The following ELFN1 variants were observed in gnomAD, a reference collection of about 807,000 sequenced individuals.
ELFN1 encodes the protein extracellular leucine rich repeat and fibronectin type III domain containing 1.
A neutral mutation model predicts 7.6 loss-of-function variants in ELFN1; 6 were observed. The ratio of observed to expected loss-of-function variants is 0.79; its 90% CI spans 0.43 to 1.56. The LOEUF (loss-of-function observed/expected upper bound fraction) is 1.56, where lower values mean the gene tolerates loss of function less well. ELFN1 is among the 40% of genes most tolerant of loss of function. The pLI is 0.01. For missense variants in ELFN1, 1,169 were observed against 1,232.2 expected (o/e 0.95, Z 0.77); for synonymous variants, 657 against 588.1 (o/e 1.12, Z -1.70).
chr7:1,706,867 C>T (rs767123160), intron 2 of ELFN1, among the ~76,000 whole-genome samples: 1 of 152,228 alleles, frequency 6.6e-6, no homozygotes, highest in Non-Finnish European at 1.5e-5. Flanking sequence ...CAGGCTGTGC[C>T]CGAGGTGGTG....
At chr7:1,699,259 C>T (rs1307984315) in intron 2 of ELFN1, among the ~76,000 whole-genome samples, 1 of 152,182 alleles carries the variant, frequency 6.6e-6, no homozygotes. Flanking sequence ...CTTCCCCGCA[C>T]ATGTGTTTTG....
rs1780423379 is a variant in ELFN1 at position 1,735,636 on chromosome 7, C to T, written c.-293-8668C>T. 6.6e-6 allele frequency among the ~76,000 whole-genome samples: 1 copy of T among 152,100 alleles called. No homozygotes were observed. The highest frequency in any genetic ancestry group is 2.1e-4 in the South Asian group (1 of 4,810). On this transcript the variant is annotated intron_variant, in intron 3 of 3. Transcript: ENST00000424383. The surrounding 1 kb of genome is among the most constrained non-coding windows in gnomAD (Gnocchi z 5.9). ...GGTCTGGGGGAGCCATGAGGGAGCCCCCAGAGCTGGTGAGATCCCTCAATG... is the reference window on the plus strand; with the variant it reads ...GGTCTGGGGGAGCCATGAGGGAGCCTCCAGAGCTGGTGAGATCCCTCAATG...
chr7:1,729,272 G>A (rs914091596), intron 3 of ELFN1, among the ~76,000 whole-genome samples: 49 of 152,244 alleles, frequency 3.2e-4, no homozygotes, highest in African/African-American at 8.4e-4. Flanking sequence ...TGGGTTTGGT[G>A]TGAGTCAGTG....
intron 3 of ELFN1, among the ~76,000 whole-genome samples, chr7:1,742,752 C>G (rs1316049984): frequency 2.6e-5 from 4 of 152,266 alleles, no homozygotes; most frequent in Non-Finnish European, 5.9e-5. Context: ...TGCCGTCTGA[C>G]TTCTCCCTCT....
Position 1,747,681 on chromosome 7 carries a change from G to C in ELFN1, c.*598G>C, listed in dbSNP as rs1222085608. ...CGGCGGCCAAGTGGCCTCCGGGACA[G>C]GTCCTGGAGCCCTGCTGGACTCAGG... On this transcript the variant is annotated 3_prime_UTR_variant, in exon 4 of 4. Coordinates refer to ENST00000424383, the MANE Select transcript of ELFN1 (RefSeq NM_001128636.4). 1 of 164,512 alleles carries C rather than the reference G, an allele frequency of 6.1e-6. No homozygotes were observed. Among genetic ancestry groups the C allele is most frequent in the South Asian group, 2.1e-4 (1 of 4,826 alleles). The allele number at this position is 164,512 out of a possible 1,614,324, so 10.2% of individuals were successfully genotyped here.
At chr7:1,693,555 A>T (rs1362676752) in intron 2 of ELFN1, 1 of 471,116 alleles carries the variant, frequency 2.1e-6, no homozygotes, top group African/African-American at 2.0e-5. Flanking sequence ...ACGCCTGTGG[A>T]CGTAGCCTTG....
chr7:1,736,993 C>T (rs899099996), intron 3 of ELFN1, among the ~76,000 whole-genome samples: 2 of 152,178 alleles, frequency 1.3e-5, no homozygotes, highest in South Asian at 4.1e-4. Context: ...GCCCTTCCAC[C>T]TGCCCCCAGC....
At chr7:1,689,989 G>A (rs1425601297) in intron 2 of ELFN1, among the ~76,000 whole-genome samples, 1 of 152,224 alleles carries the variant, frequency 6.6e-6, no homozygotes, top group African/African-American at 2.4e-5. Flanking sequence ...TGGGGATTGG[G>A]ACTCTAGCCC....
intron 2 of ELFN1, among the ~76,000 whole-genome samples, chr7:1,701,955 T>C (rs893493702): frequency 6.6e-6 from 1 of 152,202 alleles, no homozygotes; most frequent in African/African-American, 2.4e-5. Context: ...TCAGTTTCAT[T>C]TTTTCCCATA....
rs1236360712 is a variant in ELFN1, at chr7:1,746,434, C to T, written c.1838C>T (p.Ala613Val). The change falls in exon 4 of 4, where the codon GCG becomes GTG. Residue 613 changes from alanine to valine, a missense_variant. Around this residue, in one of 2 missense-constraint regions of ELFN1, gnomAD observed 914 missense variants for 872.6 expected, o/e 1.05. Transcript: ENST00000424383. ...EPLAAKHGFL[A>V]PGYKDAFGHS... ...CTGGCCGCCAAGCACGGCTTCCTGG[C>T]GCCCGGGTACAAGGACGCCTTCGGC... The T allele has an allele frequency of 5.2e-6, 8 of 1,530,890 alleles. No individual in the cohort carries two copies. Among genetic ancestry groups the T allele is most frequent in the South Asian group, 1.2e-5 (1 of 83,518 alleles). 94.8% of individuals were successfully genotyped at this position (1,530,890 alleles called of 1,614,324 possible).
intron 3 of ELFN1, among the ~76,000 whole-genome samples, chr7:1,728,354 C>T (rs1437979395): frequency 2.0e-5 from 3 of 152,264 alleles, no homozygotes; most frequent in African/African-American, 7.2e-5. Flanking sequence ...CCGCATTCTG[C>T]GGCCTTTCAG....
intron 3 of ELFN1, among the ~76,000 whole-genome samples, chr7:1,732,157 C>G (rs996844909): frequency 6.6e-6 from 1 of 152,076 alleles, no homozygotes; most frequent in Non-Finnish European, 1.5e-5. Context: ...CAGGCAGCCC[C>G]GGTTACAGAG....
rs1463073712 is a variant in ELFN1 at position 1,746,535 on chromosome 7, C to T, written c.1939C>T (p.Arg647Cys). The change falls in exon 4 of 4, where the codon CGC becomes TGC. Residue 647 changes from arginine to cysteine, a missense_variant. Coordinates refer to ENST00000424383, the MANE Select transcript of ELFN1 (RefSeq NM_001128636.4). ...CAGCACCTCGTCCAGCGGCTCCGTG[C>T]GCAGCCCCCGCGCCTTCCGAGCCGA... ...RASTSSSGSV[R>C]SPRAFRAEAV... 5 of 1,424,104 alleles carry T rather than the reference C, an allele frequency of 3.5e-6. No individual in the cohort carries two copies. The highest frequency in any genetic ancestry group is 3.0e-5 in the Admixed American group (1 of 32,854). The allele number at this position is 1,424,104 out of a possible 1,614,324, so 88.2% of individuals were successfully genotyped here. A position where few individuals can be genotyped will look rare whatever the true frequency, so the allele number is the denominator to read the frequency against.
chr7:1,726,979 A>G (rs1203345907), intron 3 of ELFN1, among the ~76,000 whole-genome samples: 2 of 152,148 alleles, frequency 1.3e-5, no homozygotes, highest in Non-Finnish European at 2.9e-5. Flanking sequence ...TGGGTGGGCT[A>G]CTTACTCAGG....
At chr7:1,716,935 A>C (rs962251133) in intron 3 of ELFN1, among the ~76,000 whole-genome samples, 1 of 152,180 alleles carries the variant, frequency 6.6e-6, no homozygotes, top group African/African-American at 2.4e-5. Context: ...CATGGGAGCC[A>C]GAGGGAAATT....
At chr7:1,713,240 G>T (rs1045695545) in intron 3 of ELFN1, among the ~76,000 whole-genome samples, 1 of 152,204 alleles carries the variant, frequency 6.6e-6, no homozygotes, top group Non-Finnish European at 1.5e-5. Context: ...CGGCAGGTGG[G>T]AGACAGTGCA....
chr7:1,688,553 TC>T (rs1779099970), intron 2 of ELFN1, among the ~76,000 whole-genome samples: 1 of 152,228 alleles, frequency 6.6e-6, no homozygotes, highest in African/African-American at 2.4e-5. Context: ...GGTATACTAA[TC>T]CAGTTGATTT....
chr7:1,692,542 T>C (rs1779190669), intron 2 of ELFN1: 1 of 152,560 alleles, frequency 6.6e-6, no homozygotes. Flanking sequence ...TCGGGGCTGA[T>C]CAGCAGAGGC....
chr7:1,729,350 T>G (rs1780276000), intron 3 of ELFN1, among the ~76,000 whole-genome samples: 1 of 152,220 alleles, frequency 6.6e-6, no homozygotes, highest in Non-Finnish European at 1.5e-5. Context: ...TCAGGGTTCT[T>G]GGGTCAGGCA....
Sources: gnomAD v4.1 joint callset for allele counts (sites outside exome capture counted in the v4.1 genomes callset) on GRCh38, gnomAD v4.1.1 for gene constraint, gnomAD v4.1.1 regional missense constraint, Gnocchi (gnomAD v3.1) non-coding constraint, MANE v1.5 for transcripts, NCBI Gene and HGNC (gene_info 2026-07-23, HGNC 2026-07-21) for gene names.